Variants in GRID2 observed in about 807,000 individuals in gnomAD.
The protein encoded by GRID2 is glutamate receptor ionotropic, delta-2.
GRID2 carries 33 observed loss-of-function variants against 114.8 expected under a neutral mutation model. That is an observed-to-expected ratio of 0.29 (90% CI 0.22 to 0.38). The LOEUF is 0.38. GRID2 is among the 10% of genes least tolerant of loss of function. GRID2 has a pLI of 1.00. For missense variants in GRID2, 1,184 were observed against 1,257.7 expected, an observed-to-expected ratio of 0.94 and a Z score of 0.89; for synonymous variants, 505 against 449.9, an observed-to-expected ratio of 1.12 and a Z score of -1.55.
intron 1 of GRID2, among the ~76,000 whole-genome samples, chr4:92,383,894 A>G (rs1054174829): frequency 5.9e-5 from 9 of 151,976 alleles, no homozygotes; most frequent in Non-Finnish European, 1.3e-4. Context: ...GTTAAAGTTT[A>G]TGACATTTCT....
At chr4:92,688,442 ACT>A (rs1482440863) in intron 2 of GRID2, among the ~76,000 whole-genome samples, 1 of 151,682 alleles carries the variant, frequency 6.6e-6, no homozygotes, top group Non-Finnish European at 1.5e-5. Flanking sequence ...CAGTCCTTAA[ACT>A]CTGCAGCTGC....
At chr4:93,438,228 G>A (rs764921839) in intron 10 of GRID2, among the ~76,000 whole-genome samples, 3 of 152,046 alleles carry the variant, frequency 2.0e-5, no homozygotes, top group African/African-American at 2.4e-5. Flanking sequence ...CAAATGTGTA[G>A]ATAAATAATT....
intron 2 of GRID2, among the ~76,000 whole-genome samples, chr4:92,675,503 A>T (rs553888768): frequency 6.9e-6 from 1 of 145,580 alleles, no homozygotes; most frequent in Admixed American, 6.8e-5. Flanking sequence ...ACTATTCTTC[A>T]CTATTCTCTT....
chr4:93,406,886 A>C (rs1292539163), intron 9 of GRID2, among the ~76,000 whole-genome samples: 2 of 152,152 alleles, frequency 1.3e-5, no homozygotes, highest in Non-Finnish European at 2.9e-5. Context: ...CATAGCTGAT[A>C]TAAATTAGCA....
chr4:92,686,493 C>T (rs1042118254), intron 2 of GRID2, among the ~76,000 whole-genome samples: 12 of 151,916 alleles, frequency 7.9e-5, no homozygotes, highest in African/African-American at 2.9e-4. Flanking sequence ...GCCTTGACAA[C>T]AAATCTTGGT....
At chr4:93,085,752 C>G (rs1032770540) in intron 3 of GRID2, among the ~76,000 whole-genome samples, 1 of 152,078 alleles carries the variant, frequency 6.6e-6, no homozygotes, top group South Asian at 2.1e-4. Flanking sequence ...TTAATACCTA[C>G]TCAGTACTTA....
chr4:93,780,351 T>A lies in GRID2; in HGVS notation c.221+10901T>A, dbSNP rs181944084. 1.5e-3 allele frequency among the ~76,000 whole-genome samples: 225 copies of A among 152,338 alleles called. 2 individuals carry two copies. The highest frequency in any genetic ancestry group is 5.1e-3 in the African/African-American group (210 of 41,574). ...CTGAGGTGAGAATGTCCTGGGCATG[T>A]CTAAAGAATAGCGAGACGATCAATT... On this transcript the variant is annotated intron_variant, in intron 1 of 1. Transcript: ENST00000637838.
chr4:92,655,011 A>G (rs62309205), intron 2 of GRID2, among the ~76,000 whole-genome samples: 5 of 151,842 alleles, frequency 3.3e-5, no homozygotes, highest in African/African-American at 1.2e-4. Context: ...TCTTATAGTA[A>G]TTTTATAAAT....
At chr4:93,658,632 A>G (rs756919944) in intron 14 of GRID2, among the ~76,000 whole-genome samples, 15 of 152,078 alleles carry the variant, frequency 9.9e-5, no homozygotes, top group Admixed American at 2.0e-4. Context: ...CATCCCCTCT[A>G]CTATTACCAG....
chr4:93,053,268 G>T (rs1726894497), intron 2 of GRID2, among the ~76,000 whole-genome samples: 1 of 151,924 alleles, frequency 6.6e-6, no homozygotes, highest in South Asian at 2.1e-4. Context: ...TCAACACCAA[G>T]AATATGTGTA....
At chr4:93,373,594 A>T (rs1763120738) in intron 8 of GRID2, among the ~76,000 whole-genome samples, 1 of 152,178 alleles carries the variant, frequency 6.6e-6, no homozygotes, top group Non-Finnish European at 1.5e-5. Context: ...GTTTTCCTGG[A>T]ACAGGAACTG....
chr4:92,681,586 T>C (rs1020638488), intron 2 of GRID2, among the ~76,000 whole-genome samples: 1 of 152,050 alleles, frequency 6.6e-6, no homozygotes, highest in Non-Finnish European at 1.5e-5. Flanking sequence ...ATATACCTAA[T>C]GTTAAATGAT....
chr4:92,794,745 G>C (rs1217526028), intron 2 of GRID2, among the ~76,000 whole-genome samples: 1 of 151,044 alleles, frequency 6.6e-6, no homozygotes, highest in Non-Finnish European at 1.5e-5. Context: ...TAAGGTCTAG[G>C]GGCACTGACA....
chr4:92,499,677 ATC>A (rs1723574207), intron 1 of GRID2, among the ~76,000 whole-genome samples: 1 of 152,148 alleles, frequency 6.6e-6, no homozygotes, highest in Non-Finnish European at 1.5e-5. Context: ...CAATGGCGTG[ATC>A]TTGGCTCACT....
At chr4:92,642,449 G>T (rs1731402603) in intron 2 of GRID2, among the ~76,000 whole-genome samples, 1 of 151,836 alleles carries the variant, frequency 6.6e-6, no homozygotes, top group Non-Finnish European at 1.5e-5. Context: ...TTTGAAAAGT[G>T]TTGATGTCCT....
intron 1 of GRID2, among the ~76,000 whole-genome samples, chr4:92,365,950 A>C (rs1300291860): frequency 6.6e-6 from 1 of 152,102 alleles, no homozygotes; most frequent in Non-Finnish European, 1.5e-5. Context: ...GAATAATAAA[A>C]AGATGTATTT....
At chr4:93,463,364 A>G (rs558619497) in intron 11 of GRID2, among the ~76,000 whole-genome samples, 33 of 152,282 alleles carry the variant, frequency 2.2e-4, no homozygotes, top group African/African-American at 6.7e-4. Context: ...GCTATGAACT[A>G]TATGCATACT....
At chr4:93,714,828 TA>T (rs1317592593) in intron 14 of GRID2, among the ~76,000 whole-genome samples, 8 of 152,224 alleles carry the variant, frequency 5.3e-5, no homozygotes, top group Non-Finnish European at 8.8e-5. Context: ...CTCTGGATAT[TA>T]GACCTTTGTC....
At chr4:92,936,234 C>T (rs1487594571) in intron 2 of GRID2, among the ~76,000 whole-genome samples, 1 of 146,240 alleles carries the variant, frequency 6.8e-6, no homozygotes, top group Admixed American at 7.4e-5. Flanking sequence ...CCAATTTGAT[C>T]TGTTGACTAA....
Sources: allele counts gnomAD v4.1 joint callset (sites outside exome capture counted in the v4.1 genomes callset), GRCh38; gene constraint gnomAD v4.1.1; transcripts MANE v1.5; gene names NCBI Gene and HGNC (gene_info 2026-07-23, HGNC 2026-07-21).